SLC6A6: variants seen among roughly 807,000 people sequenced by gnomAD.
The protein encoded by SLC6A6 is sodium- and chloride-dependent taurine transporter.
Under a neutral mutation model 68.8 loss-of-function variants are expected in SLC6A6, and 16 were observed. The observed-to-expected ratio is 0.23, with a 90% CI of 0.16 to 0.35. The LOEUF is 0.35. Among genes scored for constraint, SLC6A6 ranks in the 10% least tolerant of loss-of-function variants. The probability of loss-of-function intolerance (pLI) is 1.00; values close to 1 mark genes in which losing one functional copy is unlikely to be tolerated. For synonymous variants in SLC6A6, 312 were observed against 315.4 expected (o/e 0.99, Z 0.12); for missense variants, 474 against 802.8 (o/e 0.59, Z 4.95).
chr3:14,427,534 A>C (rs772069083), intron 2 of SLC6A6, among the ~76,000 whole-genome samples: 1 of 152,146 alleles, frequency 6.6e-6, no homozygotes, highest in Non-Finnish European at 1.5e-5. Context: ...TGTTGGGCTG[A>C]TCTGTCATTC....
intron 2 of SLC6A6, among the ~76,000 whole-genome samples, chr3:14,418,531 G>A (rs538081466): frequency 1.3e-5 from 2 of 152,286 alleles, no homozygotes; most frequent in South Asian, 2.1e-4. Flanking sequence ...CCTACTCGAC[G>A]TCAGCCTCCA....
chr3:14,436,616 G>A (rs1291848393), intron 2 of SLC6A6, among the ~76,000 whole-genome samples: 1 of 118,652 alleles, frequency 8.4e-6, no homozygotes, highest in Non-Finnish European at 1.7e-5. Flanking sequence ...GCCAAGGAGA[G>A]TGCCCTTGGC....
At chr3:14,463,273 G>A (rs1163194723) in intron 6 of SLC6A6, among the ~76,000 whole-genome samples, 2 of 152,232 alleles carry the variant, frequency 1.3e-5, no homozygotes. Flanking sequence ...TCTAGAAAAT[G>A]CAGGTGAGGC....
At chr3:14,413,823 G>A (rs971451461) in intron 1 of SLC6A6, among the ~76,000 whole-genome samples, 14 of 152,196 alleles carry the variant, frequency 9.2e-5, no homozygotes, top group African/African-American at 3.4e-4. Flanking sequence ...TATAATGGGA[G>A]GAGTGTGTCA....
At chr3:14,451,337 A>G (rs559207053) in intron 5 of SLC6A6, among the ~76,000 whole-genome samples, 14 of 152,368 alleles carry the variant, frequency 9.2e-5, no homozygotes, top group Admixed American at 3.3e-4. Context: ...GGAGGAGCAT[A>G]TGAGCTGGGC....
chr3:14,402,760 G>C lies in SLC6A6; in HGVS notation c.-141G>C, dbSNP rs1699012406. On this transcript the variant is annotated 5_prime_UTR_variant, in exon 1 of 15. Transcript: ENST00000622186. This position sits in a 1 kb window ranked among gnomAD's most constrained non-coding sequence, Gnocchi z 4.8. ...AGGGAGTGCGGAGCGTTCACCCAGC[G>C]GGTCAGAGAGCGAGCGGGCAGGCAG... The C allele has an allele frequency of 2.3e-5, 9 of 398,030 alleles. No individual in the cohort carries two copies. Among genetic ancestry groups the C allele is most frequent in the Non-Finnish European group, 3.5e-5 (8 of 225,730 alleles). The allele number at this position is 398,030 out of a possible 1,614,324, so 24.7% of individuals were successfully genotyped here. A position where few individuals can be genotyped will look rare whatever the true frequency, so the allele number is the denominator to read the frequency against.
rs1700682176 is a variant in SLC6A6 at position 14,468,683 on chromosome 3, T to C, written c.1096+471T>C. Among the ~76,000 whole-genome samples the C allele has an allele frequency of 6.6e-6, 1 of 152,064 alleles. No individual in the cohort carries two copies. Among genetic ancestry groups the C allele is most frequent in the South Asian group, 2.1e-4 (1 of 4,810 alleles). On this transcript the variant is annotated intron_variant, in intron 9 of 14. Coordinates refer to ENST00000622186, the MANE Select transcript of SLC6A6 (RefSeq NM_003043.6). This position sits in a 1 kb window ranked among gnomAD's most constrained non-coding sequence, Gnocchi z 4.5. ...ATCCCACCGATTTCTCGTGAATGAG[T>C]CCCAACTCTGTGTCAGGCACCACCG...
At chr3:14,420,936 T>G (rs537649345) in intron 2 of SLC6A6, among the ~76,000 whole-genome samples, 12 of 152,358 alleles carry the variant, frequency 7.9e-5, no homozygotes, top group African/African-American at 2.9e-4. Flanking sequence ...CCAGTGAACT[T>G]CTTTTGAGTG....
In SLC6A6 at chr3:14,488,772, C is replaced by T. The variant is rs534228345; in HGVS notation, c.*3765C>T. The T allele has an allele frequency of 1.3e-5, 2 of 152,652 alleles. No individual in the cohort carries two copies. The highest frequency in any genetic ancestry group is 4.8e-5 in the African/African-American group (2 of 41,460). 9.5% of individuals were successfully genotyped at this position (152,652 alleles called of 1,614,324 possible). ...TCCCCCTTTCCTTCTCTCCCTGATC[C>T]TCAGAATATATATTGTTGTAATAGG... On this transcript the variant is annotated 3_prime_UTR_variant, in exon 15 of 15. Coordinates refer to ENST00000622186, the MANE Select transcript of SLC6A6 (RefSeq NM_003043.6).
intron 1 of SLC6A6, among the ~76,000 whole-genome samples, chr3:14,410,604 T>C (rs1699231052): frequency 6.6e-6 from 1 of 152,172 alleles, no homozygotes; most frequent in Non-Finnish European, 1.5e-5. Context: ...CCTCAGCAGG[T>C]ATCTGAGCAG....
rs767171044 is a variant in SLC6A6, at chr3:14,443,775, G to A, written c.141G>A (p.Lys47=). 6.8e-6 allele frequency: 11 copies of A among 1,614,208 alleles called. No individual in the cohort carries two copies. Among genetic ancestry groups the A allele is most frequent in the Non-Finnish European group, 1.7e-6 (2 of 1,180,022 alleles). Residue 47 remains lysine (K), a synonymous_variant, in exon 3 of 15, where the codon AAG becomes AAA. Transcript: ENST00000622186. ...CGCAGAGGGAGAAGTGGTCTAGCAA[G>A]ATCGACTTTGTGCTCTCTGTGGCTG... The part of the protein sequence containing the change: ...KPPQREKWSS[K]IDFVLSVAGG...
At chr3:14,451,696 C>CG (rs1700254350) in intron 5 of SLC6A6, among the ~76,000 whole-genome samples, 1 of 152,142 alleles carries the variant, frequency 6.6e-6, no homozygotes, top group African/African-American at 2.4e-5. Context: ...TGACTGTATA[C>CG]GGGGCCTCGG....
rs1700765193 is a variant in SLC6A6 at position 14,472,101 on chromosome 3, G to C, written c.1097-104G>C. 2 of 698,604 alleles carry C rather than the reference G, an allele frequency of 2.9e-6. No homozygotes were observed. The highest frequency in any genetic ancestry group is 5.1e-6 in the Non-Finnish European group (2 of 388,422). 43.3% of individuals were successfully genotyped at this position (698,604 alleles called of 1,614,324 possible). The stretch of plus-strand genomic sequence containing the variant: ...GGCCAGAGTTCAGACCTGGCTCCCT[G>C]CTGTATTTGGGTCTGAGTGTCTTTG... On this transcript the variant is annotated intron_variant, in intron 9 of 14. Coordinates refer to ENST00000622186, the MANE Select transcript of SLC6A6 (RefSeq NM_003043.6). The surrounding 1 kb of genome is among the most constrained non-coding windows in gnomAD (Gnocchi z 4.5).
Position 14,413,709 on chromosome 3 carries a change from G to T in SLC6A6, c.-53-2703G>T, listed in dbSNP as rs554082520. Among the ~76,000 whole-genome samples the T allele has an allele frequency of 3.4e-3, 512 of 151,924 alleles. 4 individuals carry two copies. Among genetic ancestry groups the T allele is most frequent in the African/African-American group, 0.012 (493 of 41,450 alleles). On this transcript the variant is annotated intron_variant, in intron 1 of 14. Coordinates refer to ENST00000622186, the MANE Select transcript of SLC6A6 (RefSeq NM_003043.6). Reference sequence around the variant, plus strand: ...TCTGGCTGTGTGCCTGGGGCCGGGGGTGGGGCTGGGGGAAGGGTCAGGCCT... The same window carrying T: ...TCTGGCTGTGTGCCTGGGGCCGGGGTTGGGGCTGGGGGAAGGGTCAGGCCT...
At chr3:14,464,739 A>T (rs985634342) in intron 6 of SLC6A6, among the ~76,000 whole-genome samples, 2 of 152,120 alleles carry the variant, frequency 1.3e-5, no homozygotes, top group East Asian at 1.9e-4. Flanking sequence ...CCCCAACTCC[A>T]TGGGCACATT....
chr3:14,409,280 C>T (rs755257858), intron 1 of SLC6A6, among the ~76,000 whole-genome samples: 6 of 152,230 alleles, frequency 3.9e-5, no homozygotes, highest in Non-Finnish European at 5.9e-5. Flanking sequence ...CCTGTCTGAT[C>T]ACCCCCAGTG....
At chr3:14,460,227 C>G (rs1356155450) in intron 6 of SLC6A6, among the ~76,000 whole-genome samples, 1 of 152,058 alleles carries the variant, frequency 6.6e-6, no homozygotes, top group East Asian at 1.9e-4. Flanking sequence ...TGCAGTGGTT[C>G]ACAAAACAGA....
rs544453196 is a variant in SLC6A6 at position 14,468,723 on chromosome 3, A to G, written c.1096+511A>G. Among the ~76,000 whole-genome samples the G allele has an allele frequency of 1.3e-5, 2 of 152,238 alleles. No individual in the cohort carries two copies. The highest frequency in any genetic ancestry group is 1.9e-4 in the East Asian group (1 of 5,182). On this transcript the variant is annotated intron_variant, in intron 9 of 14. Transcript: ENST00000622186. The surrounding 1 kb of genome is among the most constrained non-coding windows in gnomAD (Gnocchi z 4.5). Reference sequence around the variant, plus strand: ...AGGCACCACCGTAGGCACTGGGTGCAGTGTGTGGGGGGAGGGCGTAGATGA... The same window carrying G: ...AGGCACCACCGTAGGCACTGGGTGCGGTGTGTGGGGGGAGGGCGTAGATGA...
At position 14,477,878 on chromosome 3, in the gene SLC6A6, G is replaced by T. The variant is rs1700914700; in HGVS notation, c.1347+536G>T. ...CAGATGCAGACAAGGGAAGCAAAGAGCAGAAGGGAACGGGAACGTCTAAGA... is the reference window on the plus strand; with the variant it reads ...CAGATGCAGACAAGGGAAGCAAAGATCAGAAGGGAACGGGAACGTCTAAGA... On this transcript the variant is annotated intron_variant, in intron 11 of 14. Coordinates refer to ENST00000622186, the MANE Select transcript of SLC6A6 (RefSeq NM_003043.6). The surrounding 1 kb of genome is among the most constrained non-coding windows in gnomAD (Gnocchi z 4.2). Among the ~76,000 whole-genome samples the T allele has an allele frequency of 6.6e-6, 1 of 152,154 alleles. No homozygotes were observed. Among genetic ancestry groups the T allele is most frequent in the Non-Finnish European group, 1.5e-5 (1 of 68,014 alleles).
Sources: allele counts gnomAD v4.1 joint callset (sites outside exome capture counted in the v4.1 genomes callset), GRCh38; gene constraint gnomAD v4.1.1; non-coding constraint Gnocchi (gnomAD v3.1); transcripts MANE v1.5; gene names NCBI Gene and HGNC (gene_info 2026-07-23, HGNC 2026-07-21).